The following IL6ST variants were observed in gnomAD, a reference collection of about 807,000 sequenced individuals.
The protein encoded by IL6ST is interleukin 6 cytokine family signal transducer, also known as interleukin-6 receptor subunit beta.
A neutral mutation model predicts 91.3 loss-of-function variants in IL6ST; 24 were observed. The observed-to-expected ratio is 0.26, with a 90% CI of 0.19 to 0.37. The LOEUF (loss-of-function observed/expected upper bound fraction) is 0.37. Among genes scored for constraint, IL6ST ranks in the 10% least tolerant of loss-of-function variants. IL6ST has a pLI of 1.00. For synonymous variants in IL6ST, 351 were observed against 373.6 expected (o/e 0.94, Z 0.70); for missense variants, 914 against 1,078.5 (o/e 0.85, Z 2.14).
At chr5:55,945,611 C>A (rs75639287) in intron 15 of IL6ST, among the ~76,000 whole-genome samples, 448 of 133,454 alleles carry the variant, frequency 3.4e-3, no homozygotes, top group African/African-American at 0.012. Context: ...AGAAAAAAAA[C>A]TGATAAAATG....
chr5:55,940,059 G>C lies in IL6ST; in HGVS notation c.*1023C>G. 5.1e-6 allele frequency: 1 copy of C among 197,340 alleles called. No individual in the cohort carries two copies. Among genetic ancestry groups the C allele is most frequent in the Non-Finnish European group, 1.1e-5 (1 of 95,184 alleles). 12.2% of individuals were successfully genotyped at this position (197,340 alleles called of 1,614,324 possible). On this transcript the variant is annotated 3_prime_UTR_variant, in exon 17 of 17. Transcript: ENST00000381298. ...AAAATACTCAAAACAAATTTAAGCT[G>C]AAGATATATACTGTATAAAGTGTTC...
At chr5:55,978,706 C>T (rs534762878) in intron 2 of IL6ST, among the ~76,000 whole-genome samples, 3 of 152,344 alleles carry the variant, frequency 2.0e-5, no homozygotes, top group African/African-American at 7.2e-5. Flanking sequence ...GCCTAGGTGA[C>T]AGAGCGAGAC....
intron 1 of IL6ST, among the ~76,000 whole-genome samples, chr5:55,987,302 T>C (rs369244205): frequency 1.3e-5 from 2 of 152,216 alleles, no homozygotes; most frequent in South Asian, 4.1e-4. Context: ...AAAGTCTAAA[T>C]AGATTTGAAA....
chr5:55,956,269 T>C (rs1286618547), intron 9 of IL6ST, 34 bp from the exon 10 acceptor site: 1 of 1,229,328 alleles, frequency 8.1e-7, no homozygotes, highest in Non-Finnish European at 1.2e-6. Context: ...AAAAATAATC[T>C]CATAAATCTT....
intron 2 of IL6ST, among the ~76,000 whole-genome samples, chr5:55,976,802 G>A (rs1354577143): frequency 6.6e-6 from 1 of 152,128 alleles, no homozygotes; most frequent in African/African-American, 2.4e-5. Flanking sequence ...AGTAAATCAA[G>A]CATGTGAAAA....
chr5:55,957,146 G>C (rs1480577568), intron 9 of IL6ST, 63 bp downstream of exon 9: 2 of 822,640 alleles, frequency 2.4e-6, no homozygotes, highest in Admixed American at 2.7e-5. Flanking sequence ...AATGGAGCGA[G>C]ACTCGGTTTC....
At chr5:55,941,853 T>C in intron 16 of IL6ST, 34 bp from the exon 17 acceptor site, 1 of 1,563,584 alleles carries the variant, frequency 6.4e-7, no homozygotes. Flanking sequence ...ATGGCAAGTA[T>C]TAGTTAAAGC....
rs1294144848 is a variant in IL6ST, at chr5:55,940,259, T to C, written c.*823A>G. On this transcript the variant is annotated 3_prime_UTR_variant, in exon 17 of 17. Coordinates refer to ENST00000381298, the MANE Select transcript of IL6ST (RefSeq NM_002184.4). The stretch of plus-strand genomic sequence containing the variant: ...CCTGTTTTCCCCTTTACTACTACAA[T>C]TTAAGCCTTTAAAAATGGCAATTTT... The C allele has an allele frequency of 1.4e-5, 3 of 211,858 alleles. No individual in the cohort carries two copies. Among genetic ancestry groups the C allele is most frequent in the South Asian group, 3.8e-4 (2 of 5,332 alleles). 13.1% of individuals were successfully genotyped at this position (211,858 alleles called of 1,614,324 possible). A position where few individuals can be genotyped will look rare whatever the true frequency, so the allele number is the denominator to read the frequency against.
intron 14 of IL6ST, among the ~76,000 whole-genome samples, chr5:55,948,007 G>A (rs139473718): frequency 2.1e-4 from 32 of 152,128 alleles, no homozygotes; most frequent in African/African-American, 7.7e-4. Flanking sequence ...TAAATACTGG[G>A]TAAAATGGAA....
intron 1 of IL6ST, among the ~76,000 whole-genome samples, chr5:55,987,200 A>C (rs557160233): frequency 6.6e-6 from 1 of 152,184 alleles, no homozygotes; most frequent in African/African-American, 2.4e-5. Flanking sequence ...AGAGCTTTTA[A>C]TTCCTTTGTA....
At chr5:55,958,133 G>A (rs1194092272) in intron 8 of IL6ST, among the ~76,000 whole-genome samples, 1 of 152,092 alleles carries the variant, frequency 6.6e-6, no homozygotes, top group Admixed American at 6.6e-5. Flanking sequence ...CAGAGACAGT[G>A]TCTCGCTCTG....
intron 9 of IL6ST, among the ~76,000 whole-genome samples, chr5:55,956,467 T>A (rs958476827): frequency 2.6e-5 from 4 of 152,228 alleles, no homozygotes; most frequent in African/African-American, 9.6e-5. Context: ...TTCCGTTAGC[T>A]TTTGGTTCTG....
At position 55,952,320 on chromosome 5, in the gene IL6ST, T is replaced by C. The variant is rs1751686333; in HGVS notation, c.1482A>G (p.Ile494Met). The change falls in exon 12 of 17, where the codon ATA (isoleucine) becomes ATG (methionine). Residue 494 changes from isoleucine (I) to methionine (M), a missense_variant. Coordinates refer to ENST00000381298, the MANE Select transcript of IL6ST (RefSeq NM_002184.4). ...GNLAESKCYL[I>M]TVTPVYADGP... The stretch of plus-strand genomic sequence containing the variant: ...CATCAGCATATACTGGAGTAACTGT[T>C]ATCAAATAGCATTTGCTCTCTGCTA... 1.2e-6 allele frequency: 2 copies of C among 1,603,116 alleles called. No homozygotes were observed. Among genetic ancestry groups the C allele is most frequent in the Non-Finnish European group, 1.7e-6 (2 of 1,171,942 alleles).
intron 3 of IL6ST, among the ~76,000 whole-genome samples, chr5:55,971,065 A>G (rs1372880453): frequency 6.6e-6 from 1 of 152,220 alleles, no homozygotes. Flanking sequence ...ATAGCCCATT[A>G]GACATATATC....
At chr5:55,973,705 C>T (rs1301720881) in intron 3 of IL6ST, among the ~76,000 whole-genome samples, 1 of 152,144 alleles carries the variant, frequency 6.6e-6, no homozygotes, top group Admixed American at 6.6e-5. Flanking sequence ...TTGTCCTATA[C>T]AAATCATGAG....
In IL6ST at chr5:55,937,424, T is replaced by A. The variant is rs1750606797; in HGVS notation, c.*3658A>T. On this transcript the variant is annotated 3_prime_UTR_variant, in exon 17 of 17. Transcript: ENST00000381298. ...GCATGTATGATGGAAAAAAATAGGT[T>A]AATGCAAAAGATAATACGCTTGGCT... 1 of 212,742 alleles carries A rather than the reference T, an allele frequency of 4.7e-6. No homozygotes were observed. The highest frequency in any genetic ancestry group is 9.5e-6 in the Non-Finnish European group (1 of 105,088). The allele number at this position is 212,742 out of a possible 1,614,324, so 13.2% of individuals were successfully genotyped here. A position where few individuals can be genotyped will look rare whatever the true frequency, so the allele number is the denominator to read the frequency against.
In IL6ST at chr5:55,941,532, G is replaced by A; in HGVS notation, c.2307C>T (p.His769=). Residue 769 remains histidine (H), a synonymous_variant, in exon 17 of 17, where the codon CAC becomes CAT. Coordinates refer to ENST00000381298, the MANE Select transcript of IL6ST (RefSeq NM_002184.4). ...AGAAGACTTGGACTGACGGAACTTG[G>A]TGTCTGTAGCCACTGTGTACCACGG... ...YSTVVHSGYR[H]QVPSVQVFSR... is the part of the protein sequence containing the mutation. The A allele has an allele frequency of 1.2e-6, 2 of 1,614,170 alleles. No homozygotes were observed. The highest frequency in any genetic ancestry group is 1.7e-6 in the Non-Finnish European group (2 of 1,180,010).
At position 55,940,126 on chromosome 5, in the gene IL6ST, T is replaced by TGTGTGTGTATAC. The variant is rs1337063686; in HGVS notation, c.*955_*956insGTATACACACAC. Reference sequence around the variant, plus strand: ...GAAGTCTTAAGAAAAGTCAATGATATGTGTGTGTATATATATATATATATA... The same window carrying TGTGTGTGTATAC: ...GAAGTCTTAAGAAAAGTCAATGATATGTGTGTGTATACGTGTGTGTATATATATATATATATA... On this transcript the variant is annotated 3_prime_UTR_variant, in exon 17 of 17. Transcript: ENST00000381298. 3.4e-4 allele frequency: 61 copies of TGTGTGTGTATAC among 176,914 alleles called. No individual in the cohort carries two copies. Among genetic ancestry groups the TGTGTGTGTATAC allele is most frequent in the Non-Finnish European group, 5.9e-4 (55 of 92,762 alleles). 11.0% of individuals were successfully genotyped at this position (176,914 alleles called of 1,614,324 possible).
chr5:55,956,735 C>T (rs6873661), intron 9 of IL6ST, among the ~76,000 whole-genome samples: 4,306 of 152,222 alleles, frequency 0.028, 132 homozygotes, highest in African/African-American at 0.069. Context: ...ATGAACCTGA[C>T]TTCTATATAA....
Sources: gnomAD v4.1 joint callset for allele counts (sites outside exome capture counted in the v4.1 genomes callset) on GRCh38, gnomAD v4.1.1 for gene constraint, MANE v1.5 for transcripts, NCBI Gene and HGNC (gene_info 2026-07-23, HGNC 2026-07-21) for gene names.